The following ABL1 variants were observed in gnomAD, a reference collection of about 807,000 sequenced individuals.
ABL1 encodes ABL proto-oncogene 1, non-receptor tyrosine kinase.
In ABL1, 11 loss-of-function variants were observed where a neutral mutation model predicts 94.7. The ratio of observed to expected loss-of-function variants is 0.12; its 90% CI spans 0.07 to 0.19. ABL1 has a LOEUF of 0.19. ABL1 is among the 10% of genes least tolerant of loss of function. The pLI, the probability that ABL1 is intolerant of heterozygous loss-of-function variation, is 1.00. For synonymous variants in ABL1, 656 were observed against 622.4 expected (o/e 1.05, Z -0.80); for missense variants, 1,082 against 1,489.4 (o/e 0.73, Z 4.50).
Position 130,886,574 on chromosome 9 carries a change from G to C in ABL1, c.*891G>C, listed in dbSNP as rs1259511814. On this transcript the variant is annotated 3_prime_UTR_variant, in exon 11 of 11. Coordinates refer to ENST00000318560, the MANE Select transcript of ABL1 (RefSeq NM_005157.6). Reference sequence around the variant, plus strand: ...CAGTGGCTAGTGGGGTGAACAGCTGGTGCCAAATAGCCCCAGACTGGGCCC... The same window carrying C: ...CAGTGGCTAGTGGGGTGAACAGCTGCTGCCAAATAGCCCCAGACTGGGCCC... 4.3e-6 allele frequency: 1 copy of C among 233,410 alleles called. No homozygotes were observed. Among genetic ancestry groups the C allele is most frequent in the African/African-American group, 2.2e-5 (1 of 45,346 alleles). The allele number at this position is 233,410 out of a possible 1,614,324, so 14.5% of individuals were successfully genotyped here.
chr9:130,800,062 C>T (rs1830034664), intron 1 of ABL1, among the ~76,000 whole-genome samples: 4 of 151,914 alleles, frequency 2.6e-5, no homozygotes, highest in Non-Finnish European at 5.9e-5. Flanking sequence ...TTAGGAGAGA[C>T]GGGGTTTCAC....
intron 1 of ABL1, among the ~76,000 whole-genome samples, chr9:130,745,981 G>A (rs935855272): frequency 1.3e-5 from 2 of 152,160 alleles, no homozygotes; most frequent in Non-Finnish European, 2.9e-5. Context: ...TGTAGGAGCT[G>A]TTATCCCTTG....
intron 1 of ABL1, among the ~76,000 whole-genome samples, chr9:130,801,626 A>T (rs1215856260): frequency 6.6e-6 from 1 of 152,160 alleles, no homozygotes; most frequent in Non-Finnish European, 1.5e-5. Flanking sequence ...ATAATCCGAG[A>T]GTATAGAGGT....
chr9:130,749,295 A>C (rs1831925669), intron 1 of ABL1, among the ~76,000 whole-genome samples: 1 of 152,236 alleles, frequency 6.6e-6, no homozygotes, highest in Admixed American at 6.5e-5. Context: ...TGCAGAGTAG[A>C]ATAATGAACG....
chr9:130,731,215 C>G (rs1029743292), intron 1 of ABL1, among the ~76,000 whole-genome samples: 2 of 151,922 alleles, frequency 1.3e-5, no homozygotes, highest in African/African-American at 4.8e-5. Flanking sequence ...CCATGTTGGC[C>G]AGGCTGGTTT....
intron 1 of ABL1, among the ~76,000 whole-genome samples, chr9:130,741,158 G>A (rs971985662): frequency 2.0e-5 from 3 of 152,160 alleles, no homozygotes; most frequent in Non-Finnish European, 4.4e-5. Flanking sequence ...CCACTTCTCC[G>A]TGTTGAGGTA....
At chr9:130,768,496 G>T (rs1412643235) in intron 1 of ABL1, among the ~76,000 whole-genome samples, 1 of 152,154 alleles carries the variant, frequency 6.6e-6, no homozygotes, top group East Asian at 1.9e-4. Flanking sequence ...TGACCACCCT[G>T]CCCCCAGCTA....
At chr9:130,833,088 ATAAT>A (rs1164862471), upstream of ABL1, among the ~76,000 whole-genome samples, 1 of 151,948 alleles carries the variant, frequency 6.6e-6, no homozygotes, top group Non-Finnish European at 1.5e-5. Context: ...ATTAGTAATA[ATAAT>A]TAGCTTAAAA....
At position 130,884,808 on chromosome 9, in the gene ABL1, A is replaced by G. The variant is rs1038387407; in HGVS notation, c.2518A>G (p.Ser840Gly). 12 of 1,608,490 alleles carry G rather than the reference A, an allele frequency of 7.5e-6. No homozygotes were observed. The South Asian group carries it at 1.1e-4, about 15-fold the overall frequency. The change falls in exon 11 of 11, where the codon AGT becomes GGT. Residue 840 changes from serine to glycine, a missense_variant. This residue lies in a region of ABL1 where 780 missense variants were observed against 835.8 expected (regional missense o/e 0.93). Coordinates refer to ENST00000318560, the MANE Select transcript of ABL1 (RefSeq NM_005157.6). This position sits in a 1 kb window ranked among gnomAD's most constrained non-coding sequence, Gnocchi z 5.6. The part of the protein sequence containing the change: ...LPHKEEAGKG[S>G]ALGTPAAAEP... ...CCACAAGGAAGAAGCTGGAAAGGGCAGTGCCTTAGGGACCCCTGCTGCAGC... is the reference window on the plus strand; with the variant it reads ...CCACAAGGAAGAAGCTGGAAAGGGCGGTGCCTTAGGGACCCCTGCTGCAGC...
chr9:130,832,011 C>T (rs553210090), upstream of ABL1, among the ~76,000 whole-genome samples: 7 of 152,278 alleles, frequency 4.6e-5, no homozygotes, highest in South Asian at 8.3e-4. Context: ...ACCAAGACTC[C>T]GCATTTTAAG....
chr9:130,733,073 C>G (rs916030348), intron 1 of ABL1, among the ~76,000 whole-genome samples: 8 of 152,170 alleles, frequency 5.3e-5, no homozygotes, highest in Non-Finnish European at 7.3e-5. Context: ...GAGCCATAAT[C>G]TGAGGATGCC....
intron 1 of ABL1, among the ~76,000 whole-genome samples, chr9:130,737,486 C>T (rs1831758419): frequency 6.6e-6 from 1 of 152,022 alleles, no homozygotes; most frequent in Non-Finnish European, 1.5e-5. Flanking sequence ...CCAGGCTGGT[C>T]TCGAACTCCT....
chr9:130,812,187 G>A (rs900044964), intron 1 of ABL1, among the ~76,000 whole-genome samples: 23 of 128,730 alleles, frequency 1.8e-4, no homozygotes, highest in African/African-American at 6.5e-4. Context: ...AGCCAAGTGA[G>A]ACTCCATCTC....
chr9:130,862,951 C>T lies in ABL1; in HGVS notation c.738C>T (p.His246=). 6.2e-7 allele frequency: 1 copy of T among 1,614,200 alleles called. No homozygotes were observed. Among genetic ancestry groups the T allele is most frequent in the Non-Finnish European group, 8.5e-7 (1 of 1,180,048 alleles). The stretch of plus-strand genomic sequence containing the variant: ...AACGCACGGACATCACCATGAAGCA[C>T]AAGCTGGGCGGGGGCCAGTACGGGG... ...EMERTDITMK[H]KLGGGQYGEV... is the part of the protein sequence containing the mutation. Residue 246 remains histidine, a synonymous_variant, in exon 4 of 11, where the codon CAC becomes CAT. Transcript: ENST00000318560. This position sits in a 1 kb window ranked among gnomAD's most constrained non-coding sequence, Gnocchi z 5.5.
chr9:130,812,703 T>G (rs1830225161), intron 1 of ABL1, among the ~76,000 whole-genome samples: 1 of 151,474 alleles, frequency 6.6e-6, no homozygotes, highest in Non-Finnish European at 1.5e-5. Context: ...GAAATAAATC[T>G]GTAATTATAG....
intron 10 of ABL1, among the ~76,000 whole-genome samples, chr9:130,881,179 AG>A (rs1831446617): frequency 6.6e-6 from 1 of 152,166 alleles, no homozygotes; most frequent in African/African-American, 2.4e-5. Flanking sequence ...TCAGCTCAGG[AG>A]GGGGTCTCAA....
intron 1 of ABL1, among the ~76,000 whole-genome samples, chr9:130,724,042 C>G (rs1015700571): frequency 2.0e-5 from 3 of 152,078 alleles, no homozygotes; most frequent in African/African-American, 7.2e-5. Flanking sequence ...GATCTCCTGA[C>G]CTCGTTATCC....
intron 1 of ABL1, among the ~76,000 whole-genome samples, chr9:130,778,313 A>G (rs539882073): frequency 1.5e-3 from 232 of 150,186 alleles, no homozygotes; most frequent in African/African-American, 5.4e-3. Flanking sequence ...GACTCACTGC[A>G]TTAGTACTTT....
rs1316904012 is a variant in ABL1, at chr9:130,885,812, G to C, written c.*129G>C. ...CCTTGGCCCAGGAGCTCTGCGCCAG[G>C]CAGAGCTGAGGGCCCTGTGGAGTCC... On this transcript the variant is annotated 3_prime_UTR_variant, in exon 11 of 11. Transcript: ENST00000318560. 6 of 1,274,200 alleles carry C rather than the reference G, an allele frequency of 4.7e-6. No homozygotes were observed. The highest frequency in any genetic ancestry group is 6.3e-6 in the Non-Finnish European group (6 of 946,012). The allele number at this position is 1,274,200 out of a possible 1,614,324, so 78.9% of individuals were successfully genotyped here. A position where few individuals can be genotyped will look rare whatever the true frequency, so the allele number is the denominator to read the frequency against.
Sources: gnomAD v4.1 joint callset for allele counts (sites outside exome capture counted in the v4.1 genomes callset) on GRCh38, gnomAD v4.1.1 for gene constraint, gnomAD v4.1.1 regional missense constraint, Gnocchi (gnomAD v3.1) non-coding constraint, MANE v1.5 for transcripts, NCBI Gene and HGNC (gene_info 2026-07-23, HGNC 2026-07-21) for gene names.